Variants in GLDC observed in about 807,000 individuals in gnomAD.
GLDC encodes the protein glycine decarboxylase.
GLDC carries 104 observed loss-of-function variants against 121.3 expected under a neutral mutation model. The ratio of observed to expected loss-of-function variants is 0.86; its 90% confidence interval spans 0.73 to 1.01. The LOEUF (loss-of-function observed/expected upper bound fraction) is 1.01. Ranked by LOEUF, GLDC falls within the 50% of genes least tolerant of loss-of-function variation. GLDC has a pLI of 0.00. For missense variants in GLDC, 1,429 were observed against 1,306.6 expected (o/e 1.09, Z -1.44); for synonymous variants, 546 against 480.6 (o/e 1.14, Z -1.78).
intron 11 of GLDC, among the ~76,000 whole-genome samples, chr9:6,591,600 T>C (rs1818375722): frequency 6.6e-6 from 1 of 152,218 alleles, no homozygotes; most frequent in African/African-American, 2.4e-5. Flanking sequence ...TTTTCTTTTT[T>C]TGAGATGGAG....
intron 2 of GLDC, among the ~76,000 whole-genome samples, chr9:6,642,512 C>G (rs1312260110): frequency 6.6e-6 from 1 of 151,942 alleles, no homozygotes; most frequent in Non-Finnish European, 1.5e-5. Context: ...GCCTGGGCAA[C>G]AGAACAAGAA....
chr9:6,602,352 G>T lies in GLDC; in HGVS notation c.1059-147C>A, dbSNP rs118187583. 1,077 of 672,414 alleles carry T rather than the reference G, an allele frequency of 1.6e-3. 1 individual carries two copies. The highest frequency in any genetic ancestry group is 2.7e-3 in the Non-Finnish European group (978 of 368,704). The allele number at this position is 672,414 out of a possible 1,614,324, so 41.7% of individuals were successfully genotyped here. A position where few individuals can be genotyped will look rare whatever the true frequency, so the allele number is the denominator to read the frequency against. ...ATTTATAAAGAAACAATTTCTAAACGTTCCTCATCTAAACATGATTACTGA... is the reference window on the plus strand; with the variant it reads ...ATTTATAAAGAAACAATTTCTAAACTTTCCTCATCTAAACATGATTACTGA... On this transcript the variant is annotated intron_variant, in intron 7 of 24. Transcript: ENST00000321612.
intron 17 of GLDC, chr9:6,557,654 C>T (rs1817663635): frequency 6.6e-6 from 1 of 151,812 alleles, no homozygotes; most frequent in South Asian, 2.1e-4. Context: ...AAAAGAATTC[C>T]CACAAGAAGT....
intron 21 of GLDC, among the ~76,000 whole-genome samples, chr9:6,547,701 A>G (rs1220773011): frequency 6.6e-6 from 1 of 152,240 alleles, no homozygotes; most frequent in East Asian, 1.9e-4. Context: ...AATAAATGCA[A>G]ACAAAGGGAA....
At chr9:6,622,536 A>G (rs1819128009) in intron 2 of GLDC, among the ~76,000 whole-genome samples, 1 of 151,950 alleles carries the variant, frequency 6.6e-6, no homozygotes, top group Non-Finnish European at 1.5e-5. Flanking sequence ...AGTCTCGTTC[A>G]CTCAGTGCTC....
At chr9:6,614,479 C>T (rs1818929029) in intron 3 of GLDC, among the ~76,000 whole-genome samples, 1 of 152,012 alleles carries the variant, frequency 6.6e-6, no homozygotes, top group Admixed American at 6.6e-5. Context: ...CAAAGACCCA[C>T]CCACCTCAGC....
intron 20 of GLDC, 60 bp downstream of exon 20, chr9:6,553,308 C>A: frequency 1.4e-6 from 2 of 1,465,600 alleles, no homozygotes; most frequent in South Asian, 1.1e-5. Context: ...AGTATCCGGT[C>A]CCCATGCATG....
chr9:6,620,156 C>T (rs1234149735), intron 3 of GLDC, 28 bp downstream of exon 3: 29 of 1,608,854 alleles, frequency 1.8e-5, no homozygotes, highest in Admixed American at 5.0e-5. Context: ...TCACAGTCAT[C>T]CTGTTCCTGA....
At chr9:6,625,133 G>A (rs1819204601) in intron 2 of GLDC, among the ~76,000 whole-genome samples, 1 of 152,150 alleles carries the variant, frequency 6.6e-6, no homozygotes, top group Admixed American at 6.5e-5. Context: ...TGGCTTAAGA[G>A]AGCTGGTGCT....
chr9:6,629,401 G>C (rs868469076), intron 2 of GLDC, among the ~76,000 whole-genome samples: 3 of 151,982 alleles, frequency 2.0e-5, no homozygotes, highest in Non-Finnish European at 4.4e-5. Context: ...TTTTGGTGGA[G>C]ACAGGGTTTC....
At chr9:6,608,672 G>C (rs528413976) in intron 4 of GLDC, among the ~76,000 whole-genome samples, 18 of 152,202 alleles carry the variant, frequency 1.2e-4, no homozygotes, top group African/African-American at 4.1e-4. Context: ...CGTGAACCCG[G>C]GAGGCGGAGC....
rs544670815 is a variant in GLDC, at chr9:6,642,482, G to C, written c.334+2132C>G. 3.3e-5 allele frequency among the ~76,000 whole-genome samples: 5 copies of C among 152,242 alleles called. No individual in the cohort carries two copies. In the East Asian group the frequency reaches 9.6e-4, roughly 29 times the overall value. On this transcript the variant is annotated intron_variant, in intron 2 of 24. Transcript: ENST00000321612. ...GGAGGCAGAGGTTGTAGTGAGTAGAGATCATGCCACTGCACTCCAGCCTGG... is the reference window on the plus strand; with the variant it reads ...GGAGGCAGAGGTTGTAGTGAGTAGACATCATGCCACTGCACTCCAGCCTGG...
chr9:6,537,476 C>T (rs1160214042), intron 22 of GLDC, among the ~76,000 whole-genome samples: 1 of 152,214 alleles, frequency 6.6e-6, no homozygotes, highest in African/African-American at 2.4e-5. Context: ...TCTCTACCAA[C>T]ATTTTATTTA....
chr9:6,591,382 G>A (rs375594758), intron 11 of GLDC, among the ~76,000 whole-genome samples: 10 of 152,144 alleles, frequency 6.6e-5, no homozygotes. Context: ...TCTTAAGCTT[G>A]TTTATCTGAA....
intron 21 of GLDC, among the ~76,000 whole-genome samples, chr9:6,542,602 T>C (rs569855426): frequency 2.5e-4 from 38 of 151,834 alleles, no homozygotes; most frequent in Admixed American, 4.6e-4. Context: ...AGCAGAAAAT[T>C]CAGCCGGGCA....
At chr9:6,606,541 G>A (rs1818737019) in intron 5 of GLDC, 51 bp downstream of exon 5, 1 of 1,026,882 alleles carries the variant, frequency 9.7e-7, no homozygotes, top group Non-Finnish European at 1.6e-6. Context: ...AGAAACAGCA[G>A]AGATGAACAT....
intron 21 of GLDC, among the ~76,000 whole-genome samples, chr9:6,546,870 G>C (rs1423205861): frequency 3.9e-5 from 6 of 151,910 alleles, no homozygotes; most frequent in African/African-American, 1.5e-4. Context: ...GCTGAGGCAG[G>C]AGAATCGCTT....
intron 15 of GLDC, among the ~76,000 whole-genome samples, chr9:6,570,659 A>G (rs1217939289): frequency 6.6e-6 from 1 of 152,024 alleles, no homozygotes; most frequent in Non-Finnish European, 1.5e-5. Flanking sequence ...TTCGAGACCA[A>G]CCTGGCCAAC....
At chr9:6,611,701 GT>G (rs1164900039) in intron 3 of GLDC, among the ~76,000 whole-genome samples, 2 of 151,976 alleles carry the variant, frequency 1.3e-5, no homozygotes, top group African/African-American at 2.4e-5. Flanking sequence ...TGTTTTTTCT[GT>G]TGTTTTCTGT....
Sources: allele counts gnomAD v4.1 joint callset (sites outside exome capture counted in the v4.1 genomes callset), GRCh38; gene constraint gnomAD v4.1.1; transcripts MANE v1.5; gene names NCBI Gene and HGNC (gene_info 2026-07-23, HGNC 2026-07-21).